The following SMC1B variants were observed in gnomAD, a reference collection of about 807,000 sequenced individuals.
SMC1B encodes the protein structural maintenance of chromosomes 1B.
In SMC1B, 60 loss-of-function variants were observed where a neutral mutation model predicts 157.9. The observed-to-expected ratio is 0.38, with a 90% CI of 0.31 to 0.47. The LOEUF (loss-of-function observed/expected upper bound fraction) is 0.47, where lower values mean the gene tolerates loss of function less well. Among genes scored for constraint, SMC1B ranks in the 20% least tolerant of loss-of-function variants. The pLI, the probability that SMC1B is intolerant of heterozygous loss-of-function variation, is 0.99. For synonymous variants in SMC1B, 445 were observed against 483.0 expected (o/e 0.92, Z 1.03); for missense variants, 1,165 against 1,426.2 (o/e 0.82, Z 2.95).
At chr22:45,358,661 A>T (rs1186972558) in intron 19 of SMC1B, 36 bp downstream of exon 19, 2 of 1,221,796 alleles carry the variant, frequency 1.6e-6, no homozygotes, top group Non-Finnish European at 2.4e-6. Context: ...ATTCCGTATT[A>T]CTGTGAGTGA....
At chr22:45,381,942 T>C (rs1018172604) in intron 12 of SMC1B, among the ~76,000 whole-genome samples, 11 of 152,250 alleles carry the variant, frequency 7.2e-5, no homozygotes, top group Non-Finnish European at 1.3e-4. Context: ...GAAAGCATTC[T>C]ATATTGATTT....
intron 15 of SMC1B, among the ~76,000 whole-genome samples, chr22:45,368,795 A>G (rs1048813550): frequency 2.0e-5 from 3 of 152,278 alleles, no homozygotes; most frequent in African/African-American, 7.2e-5. Context: ...TTGGAATTAC[A>G]GGCGTGAGCC....
At chr22:45,376,752 T>C (rs2086887784) in intron 12 of SMC1B, among the ~76,000 whole-genome samples, 1 of 152,024 alleles carries the variant, frequency 6.6e-6, no homozygotes, top group South Asian at 2.1e-4. Context: ...GTTAGACTGA[T>C]GCCATGACTC....
chr22:45,390,910 T>C (rs563731064), intron 9 of SMC1B, among the ~76,000 whole-genome samples: 13 of 152,350 alleles, frequency 8.5e-5, no homozygotes, highest in African/African-American at 2.9e-4. Flanking sequence ...TGTTAGGTTC[T>C]ACTTCAAGAA....
chr22:45,365,397 T>C (rs2086765783), intron 15 of SMC1B, among the ~76,000 whole-genome samples: 1 of 152,108 alleles, frequency 6.6e-6, no homozygotes, highest in Non-Finnish European at 1.5e-5. Context: ...TACTAGATGT[T>C]AGATCAATCT....
intron 12 of SMC1B, among the ~76,000 whole-genome samples, chr22:45,378,071 AT>A (rs200500953): frequency 2.0e-5 from 3 of 151,506 alleles, no homozygotes; most frequent in East Asian, 1.9e-4. Flanking sequence ...TGATTCCTCT[AT>A]TTTTTTTAGA....
intron 12 of SMC1B, among the ~76,000 whole-genome samples, chr22:45,379,884 C>T (rs2086919499): frequency 2.0e-5 from 3 of 151,670 alleles, no homozygotes; most frequent in Admixed American, 2.0e-4. Context: ...AGGTGCAGGC[C>T]ACCACGCCCA....
chr22:45,365,747 G>A (rs1245462712), intron 15 of SMC1B, among the ~76,000 whole-genome samples: 2 of 151,958 alleles, frequency 1.3e-5, no homozygotes, highest in African/African-American at 2.4e-5. Flanking sequence ...TTCTACACTA[G>A]TAGAAACCAA....
At chr22:45,404,969 A>G (rs2087241550) in intron 4 of SMC1B, among the ~76,000 whole-genome samples, 2 of 152,236 alleles carry the variant, frequency 1.3e-5, no homozygotes, top group Non-Finnish European at 1.5e-5. Flanking sequence ...AATAAACGCT[A>G]CAAAAGAAAC....
At chr22:45,352,732 A>G (rs993697713) in intron 21 of SMC1B, 130 bp from the exon 22 acceptor site, 3 of 874,872 alleles carry the variant, frequency 3.4e-6, no homozygotes, top group Non-Finnish European at 5.2e-6. Context: ...AATGCCTATA[A>G]ATAATGTATT....
chr22:45,410,850 C>T (rs896137787), intron 1 of SMC1B, among the ~76,000 whole-genome samples: 3 of 152,080 alleles, frequency 2.0e-5, no homozygotes, highest in African/African-American at 7.2e-5. Flanking sequence ...TAAATTGCTG[C>T]AAATTTATTT....
At chr22:45,362,749 T>G in intron 16 of SMC1B, 136 bp downstream of exon 16, 1 of 703,776 alleles carries the variant, frequency 1.4e-6, no homozygotes, top group East Asian at 2.9e-5. Flanking sequence ...CTCTGCTGAT[T>G]TTACTTTAAG....
At chr22:45,377,743 C>T (rs1201836111) in intron 12 of SMC1B, among the ~76,000 whole-genome samples, 13 of 151,960 alleles carry the variant, frequency 8.6e-5, no homozygotes, top group Admixed American at 8.5e-4. Context: ...ACCATGTTGT[C>T]CAGGCTGGTC....
At chr22:45,349,677 A>T (rs762184808) in intron 23 of SMC1B, 51 bp downstream of exon 23, 3 of 1,515,280 alleles carry the variant, frequency 2.0e-6, no homozygotes, top group African/African-American at 1.4e-5. Flanking sequence ...CTTGCCTCAC[A>T]TGATCCTTGA....
chr22:45,391,200 TTATTAG>T (rs1156604648), intron 9 of SMC1B, among the ~76,000 whole-genome samples: 3 of 152,194 alleles, frequency 2.0e-5, no homozygotes, highest in Non-Finnish European at 4.4e-5. Flanking sequence ...TACTTCTAAT[TTATTAG>T]TATTTCTTGC....
Position 45,362,973 on chromosome 22 carries a change from C to T in SMC1B, c.2474G>A (p.Arg825His), listed in dbSNP as rs762816566. ...ATTCAGTTTCTTCTTAAGGTGACTG[C>T]GACTATACTCAAGTTGAACATTAAG... The part of the protein sequence containing the change: ...TRLNVQLEYS[R>H]SHLKKKLNKI... Residue 825 changes from arginine (R) to histidine (H), a missense_variant, in exon 16 of 25, where the codon CGC becomes CAC. Arg to His is a conservative substitution (Grantham distance 29, BLOSUM62 0). Coordinates refer to ENST00000357450, the MANE Select transcript of SMC1B (RefSeq NM_148674.5). 7 of 1,597,900 alleles carry T rather than the reference C, an allele frequency of 4.4e-6. No individual in the cohort carries two copies. In the East Asian group the frequency reaches 1.1e-4, roughly 26 times the overall value.
intron 15 of SMC1B, among the ~76,000 whole-genome samples, chr22:45,364,958 C>T (rs12157561): frequency 0.018 from 2,743 of 151,604 alleles, 82 homozygotes; most frequent in African/African-American, 0.064. Flanking sequence ...CTGCCTCAGC[C>T]TCCCAAGTAG....
At chr22:45,345,763 C>T (rs2086544970) in intron 23 of SMC1B, among the ~76,000 whole-genome samples, 194 bp from the exon 24 acceptor site, 1 of 152,042 alleles carries the variant, frequency 6.6e-6, no homozygotes, top group African/African-American at 2.4e-5. Context: ...CTTCATTAAA[C>T]CTATGATCTA....
At chr22:45,406,163 A>G (rs955521596) in intron 4 of SMC1B, among the ~76,000 whole-genome samples, 1 of 152,242 alleles carries the variant, frequency 6.6e-6, no homozygotes, top group Non-Finnish European at 1.5e-5. Context: ...TTAAGAGCAT[A>G]AGGGGTTTAA....
Sources: allele counts gnomAD v4.1 joint callset (sites outside exome capture counted in the v4.1 genomes callset), GRCh38; gene constraint gnomAD v4.1.1; transcripts MANE v1.5; gene names NCBI Gene and HGNC (gene_info 2026-07-23, HGNC 2026-07-21).